The following ASTN2 variants were observed in gnomAD, a reference collection of about 807,000 sequenced individuals.
ASTN2 encodes the protein astrotactin 2, also known as astrotactin-2.
In ASTN2, 54 loss-of-function variants were observed where a neutral mutation model predicts 139.8. That is an observed-to-expected ratio of 0.39 (90% CI 0.31 to 0.48). The LOEUF is 0.48. Ranked by LOEUF, ASTN2 falls within the 20% of genes least tolerant of loss-of-function variation. ASTN2 has a pLI of 0.95. For synonymous variants in ASTN2, 756 were observed against 719.5 expected (o/e 1.05, Z -0.81); for missense variants, 1,565 against 1,725.1 (o/e 0.91, Z 1.64).
intron 5 of ASTN2, among the ~76,000 whole-genome samples, chr9:117,053,152 T>G (rs1368265291): frequency 6.6e-6 from 1 of 152,016 alleles, no homozygotes; most frequent in African/African-American, 2.4e-5. Context: ...CTTAAAACAA[T>G]CCTCTGTGTA....
intron 1 of ASTN2, among the ~76,000 whole-genome samples, chr9:117,348,454 C>T (rs1346421779): frequency 6.6e-6 from 1 of 152,186 alleles, no homozygotes; most frequent in East Asian, 1.9e-4. Flanking sequence ...CCTATATCTA[C>T]ATGGCATGAA....
chr9:116,630,085 AAC>A (rs1856670471), intron 17 of ASTN2, among the ~76,000 whole-genome samples: 1 of 152,188 alleles, frequency 6.6e-6, no homozygotes, highest in South Asian at 2.1e-4. Context: ...TTCTATTCCA[AAC>A]ACAGTGCTCA....
At chr9:116,905,737 A>G (rs1834137444) in intron 10 of ASTN2, among the ~76,000 whole-genome samples, 1 of 152,106 alleles carries the variant, frequency 6.6e-6, no homozygotes, top group Non-Finnish European at 1.5e-5. Flanking sequence ...GTGAGGCTCA[A>G]ATTTAGATTT....
intron 1 of ASTN2, among the ~76,000 whole-genome samples, chr9:117,412,251 A>C (rs572920251): frequency 2.3e-4 from 35 of 152,226 alleles, no homozygotes; most frequent in African/African-American, 8.4e-4. Flanking sequence ...AGGAGGCAAG[A>C]ACCCAATCCC....
At chr9:116,554,369 T>C (rs997677783) in intron 19 of ASTN2, among the ~76,000 whole-genome samples, 1 of 152,060 alleles carries the variant, frequency 6.6e-6, no homozygotes. Flanking sequence ...GTGTCAAGAG[T>C]CTAGTCCTAT....
intron 18 of ASTN2, 30 bp downstream of exon 18, chr9:116,620,280 G>A (rs1479311440): frequency 3.7e-6 from 6 of 1,613,842 alleles, no homozygotes; most frequent in Non-Finnish European, 1.7e-6. Context: ...AAAAGGGATG[G>A]CCAAAGGAAA....
At chr9:116,525,195 T>C (rs1851037945) in intron 19 of ASTN2, among the ~76,000 whole-genome samples, 1 of 152,182 alleles carries the variant, frequency 6.6e-6, no homozygotes, top group African/African-American at 2.4e-5. Context: ...ACTGGTGGCA[T>C]TTTGTCCCTG....
At chr9:116,457,313 G>T (rs1231995202) in intron 20 of ASTN2, among the ~76,000 whole-genome samples, 1 of 152,018 alleles carries the variant, frequency 6.6e-6, no homozygotes, top group East Asian at 1.9e-4. Flanking sequence ...TTGAGTAATA[G>T]CCCAAAAGTA....
chr9:116,925,269 A>G (rs921574015), intron 10 of ASTN2, among the ~76,000 whole-genome samples: 12 of 152,136 alleles, frequency 7.9e-5, no homozygotes, highest in Non-Finnish European at 1.8e-4. Context: ...AGTGTCTCCT[A>G]TGTGCTAGGC....
At chr9:117,117,364 TGGA>T (rs1829421728) in intron 4 of ASTN2, among the ~76,000 whole-genome samples, 2 of 85,550 alleles carry the variant, frequency 2.3e-5, no homozygotes, top group Non-Finnish European at 2.5e-5. Flanking sequence ...AAAAGCAAAG[TGGA>T]GAAAAAAAAA....
At chr9:116,503,618 C>A (rs1396242211) in intron 19 of ASTN2, among the ~76,000 whole-genome samples, 1 of 152,072 alleles carries the variant, frequency 6.6e-6, no homozygotes, top group Non-Finnish European at 1.5e-5. Context: ...CATACCTAAC[C>A]CTATGAGTTC....
intron 19 of ASTN2, among the ~76,000 whole-genome samples, chr9:116,616,695 C>T (rs1008910988): frequency 1.3e-5 from 2 of 151,774 alleles, no homozygotes; most frequent in African/African-American, 4.8e-5. Flanking sequence ...AAGTGTAAAC[C>T]CACTGTTGGA....
Position 116,854,974 on chromosome 9 carries a change from C to CCCCG in ASTN2, c.2040+8608_2040+8609insCGGG, listed in dbSNP as rs892808740. ...GCCTCCCTTCTCATTATTCCCCCCC[C>CCCCG]ACCATTATTTCAGGAATCAAAGGGT... On this transcript the variant is annotated intron_variant, in intron 11 of 22. Coordinates refer to ENST00000313400, the MANE Select transcript of ASTN2 (RefSeq NM_001365068.1). Among the ~76,000 whole-genome samples, 855 of 151,650 alleles carry CCCCG rather than the reference C, an allele frequency of 5.6e-3. 6 individuals are homozygous for CCCCG. Among genetic ancestry groups the CCCCG allele is most frequent in the African/African-American group, 0.019 (801 of 41,104 alleles).
chr9:117,220,558 C>T (rs1029725643), intron 2 of ASTN2, among the ~76,000 whole-genome samples: 3 of 152,142 alleles, frequency 2.0e-5, no homozygotes, highest in African/African-American at 7.2e-5. Context: ...CAGGAGTGGA[C>T]ACACAGGGAA....
At chr9:117,336,991 C>T (rs1237134622) in intron 1 of ASTN2, among the ~76,000 whole-genome samples, 4 of 152,130 alleles carry the variant, frequency 2.6e-5, no homozygotes, top group African/African-American at 4.8e-5. Context: ...TGTCAGTTTG[C>T]ATGAATAAAT....
rs116616878 is a variant in ASTN2, at chr9:117,206,152, C to G, written c.1015+8206G>C. 3.9e-5 allele frequency among the ~76,000 whole-genome samples: 6 copies of G among 152,214 alleles called. No individual in the cohort carries two copies. In the East Asian group the frequency reaches 1.2e-3, roughly 30 times the overall value. On this transcript the variant is annotated intron_variant, in intron 3 of 22. Transcript: ENST00000313400. Reference sequence around the variant, plus strand: ...AGCTAGGATTTGACCTGAGTGTCGTCGAAGGCAGAGCACCGAAATGCAGCA... The same window carrying G: ...AGCTAGGATTTGACCTGAGTGTCGTGGAAGGCAGAGCACCGAAATGCAGCA...
At chr9:117,279,959 T>G (rs1834286558) in intron 2 of ASTN2, among the ~76,000 whole-genome samples, 1 of 152,198 alleles carries the variant, frequency 6.6e-6, no homozygotes, top group Non-Finnish European at 1.5e-5. Flanking sequence ...TTTTTTTCAC[T>G]AATGTCCTTG....
intron 16 of ASTN2, among the ~76,000 whole-genome samples, chr9:116,718,972 G>GTGTGTGTGTGTGTATATATATATA (rs56991546): frequency 1.0e-5 from 1 of 100,000 alleles, no homozygotes; most frequent in African/African-American, 3.8e-5. Flanking sequence ...ACCTGTATCT[G>GTGTGTGTGTGTGTATATATATATA]TACATATATA....
intron 3 of ASTN2, among the ~76,000 whole-genome samples, chr9:117,204,762 A>C (rs764969852): frequency 6.6e-6 from 1 of 152,208 alleles, no homozygotes; most frequent in Non-Finnish European, 1.5e-5. Flanking sequence ...AAAAAACCAA[A>C]CAAACAACAA....
Sources: gnomAD v4.1 joint callset for allele counts (sites outside exome capture counted in the v4.1 genomes callset) on GRCh38, gnomAD v4.1.1 for gene constraint, MANE v1.5 for transcripts, NCBI Gene and HGNC (gene_info 2026-07-23, HGNC 2026-07-21) for gene names.